GLRA2: variants seen among roughly 807,000 people sequenced by gnomAD.
GLRA2 encodes glycine receptor subunit alpha-2.
Under a neutral mutation model 31.6 loss-of-function variants are expected in GLRA2, and 11 were observed. The observed-to-expected ratio is 0.35, with a 90% CI of 0.22 to 0.58. GLRA2 has a LOEUF of 0.58. GLRA2 is among the 20% of genes least tolerant of loss of function. The probability of loss-of-function intolerance (pLI) is 0.84; values close to 1 mark genes in which losing one functional copy is unlikely to be tolerated. For synonymous variants in GLRA2, 132 were observed against 134.0 expected (o/e 0.99, Z 0.10); for missense variants, 212 against 351.8 (o/e 0.60, Z 3.18).
At chrX:14,527,274 A>T (rs1285602445), upstream of GLRA2, among the ~76,000 whole-genome samples, 1 of 111,761 alleles carries the variant, frequency 8.9e-6, no homozygotes, top group East Asian at 2.8e-4. Context: ...CCTTTGTCAC[A>T]GATTTCCTTA....
chrX:14,724,270 C>A (rs1406029953), intron 8 of GLRA2, among the ~76,000 whole-genome samples: 1 of 111,225 alleles, frequency 9.0e-6, no homozygotes, highest in African/African-American at 3.3e-5. Flanking sequence ...TATTCTTGTT[C>A]ATTGCTGTAA....
intron 2 of GLRA2, among the ~76,000 whole-genome samples, chrX:14,561,287 T>C (rs765651561): frequency 2.0e-4 from 23 of 112,439 alleles, no homozygotes; most frequent in African/African-American, 6.8e-4. Context: ...TGCTCTTCCA[T>C]GTCCATGGTC....
chrX:14,600,671 TA>T (rs777755181), intron 4 of GLRA2, among the ~76,000 whole-genome samples: 44 of 111,025 alleles, frequency 4.0e-4, no homozygotes, highest in African/African-American at 1.3e-3. Context: ...AAATACTTAT[TA>T]TTTTTTTATG....
chrX:14,514,427 A>G, the GLRA2 span, among the ~76,000 whole-genome samples: 35 of 111,535 alleles, frequency 3.1e-4, no homozygotes, highest in Non-Finnish European at 6.2e-4. Flanking sequence ...TTAAAAAAAG[A>G]AAAGAGAAAG....
chrX:14,535,842 A>G (rs1236296912), intron 2 of GLRA2, among the ~76,000 whole-genome samples: 2 of 112,462 alleles, frequency 1.8e-5, no homozygotes, highest in Admixed American at 9.4e-5. Context: ...TTTAAACATT[A>G]GGCTTTTAAT....
At chrX:14,581,766 GCA>G (rs57962541) in intron 4 of GLRA2, among the ~76,000 whole-genome samples, 4,555 of 90,602 alleles carry the variant, frequency 0.05, 169 homozygotes, top group East Asian at 0.18. Context: ...ATTCAAGCAT[GCA>G]CACACACACA....
At chrX:14,461,881 T>C in the GLRA2 span, among the ~76,000 whole-genome samples, 1 of 112,281 alleles carries the variant, frequency 8.9e-6, no homozygotes, top group African/African-American at 3.2e-5. Flanking sequence ...GTGAATTTGT[T>C]CCTGTCATTA....
intron 7 of GLRA2, among the ~76,000 whole-genome samples, chrX:14,685,003 T>G (rs1208916245): frequency 9.0e-6 from 1 of 111,478 alleles, no homozygotes; most frequent in Non-Finnish European, 1.9e-5. Context: ...AATACCTAAT[T>G]TATTGAGAGT....
the GLRA2 span, among the ~76,000 whole-genome samples, chrX:14,500,035 G>A: frequency 9.0e-6 from 1 of 111,532 alleles, no homozygotes; most frequent in Non-Finnish European, 1.9e-5. Flanking sequence ...TCACTTTGCT[G>A]TGCAGAAGCT....
chrX:14,500,889 T>A, the GLRA2 span, among the ~76,000 whole-genome samples: 1 of 110,865 alleles, frequency 9.0e-6, no homozygotes, highest in Admixed American at 9.6e-5. Context: ...TACACCACCA[T>A]TTTGGAACTG....
At chrX:14,615,473 TAA>T (rs911672593) in intron 7 of GLRA2, among the ~76,000 whole-genome samples, 4 of 111,235 alleles carry the variant, frequency 3.6e-5, no homozygotes, top group Non-Finnish European at 7.6e-5. Context: ...CAATGTAGGA[TAA>T]AAAGATATAT....
chrX:14,607,399 A>C, intron 6 of GLRA2, 131 bp downstream of exon 6: 1 of 509,613 alleles, frequency 2.0e-6, no homozygotes, highest in Admixed American at 3.7e-5. Flanking sequence ...CACGGACCTG[A>C]TTTGGCTCAA....
At chrX:14,720,753 T>G (rs1177957568) in intron 8 of GLRA2, among the ~76,000 whole-genome samples, 2 of 112,122 alleles carry the variant, frequency 1.8e-5, no homozygotes, top group African/African-American at 6.5e-5. Context: ...ATTTATTGTC[T>G]TTAAAAGATT....
intron 7 of GLRA2, among the ~76,000 whole-genome samples, chrX:14,653,780 T>C (rs1027113527): frequency 8.9e-6 from 1 of 112,298 alleles, no homozygotes; most frequent in African/African-American, 3.2e-5. Context: ...GAGAAATCTT[T>C]CGTAAAAGGA....
intron 7 of GLRA2, among the ~76,000 whole-genome samples, chrX:14,635,637 G>GA (rs985008900): frequency 6.3e-5 from 7 of 111,708 alleles, no homozygotes; most frequent in African/African-American, 2.3e-4. Flanking sequence ...CTATTCAGGA[G>GA]AAAATGGACG....
chrX:14,533,960 C>A (rs1388996998), intron 2 of GLRA2, among the ~76,000 whole-genome samples: 1 of 111,286 alleles, frequency 9.0e-6, no homozygotes, highest in Non-Finnish European at 1.9e-5. Context: ...AGTTTACAAG[C>A]ATCTTCTTTC....
In GLRA2 at chrX:14,698,843, G is replaced by A. The variant is rs149225101; in HGVS notation, c.1080+7984G>A. Among the ~76,000 whole-genome samples, 834 of 110,617 alleles carry A rather than the reference G, an allele frequency of 7.5e-3. 4 individuals carry two copies. Among genetic ancestry groups the A allele is most frequent in the Non-Finnish European group, 0.012 (648 of 52,867 alleles). ...CAGATCATCTCCCAAAAAGACAATG[G>A]CATTAAGCTTTATTCAGGGAAGGTA... On this transcript the variant is annotated intron_variant, in intron 8 of 8. Coordinates refer to ENST00000218075, the MANE Select transcript of GLRA2 (RefSeq NM_002063.4).
At chrX:14,620,766 G>A (rs763525914) in intron 7 of GLRA2, among the ~76,000 whole-genome samples, 6 of 111,658 alleles carry the variant, frequency 5.4e-5, no homozygotes, top group East Asian at 2.8e-4. Flanking sequence ...AGAGTTCTGC[G>A]TTAGTAGAGC....
the GLRA2 span, among the ~76,000 whole-genome samples, chrX:14,494,641 G>C: frequency 2.7e-5 from 3 of 111,401 alleles, no homozygotes; most frequent in African/African-American, 9.8e-5. Context: ...TACGACTAGG[G>C]ACTTTCACTG....
Sources: allele counts gnomAD v4.1 joint callset (sites outside exome capture counted in the v4.1 genomes callset), GRCh38; gene constraint gnomAD v4.1.1; transcripts MANE v1.5; gene names NCBI Gene and HGNC (gene_info 2026-07-23, HGNC 2026-07-21).